CFTR: variants seen among roughly 807,000 people sequenced by gnomAD.
The protein encoded by CFTR is CF transmembrane conductance regulator.
A neutral mutation model predicts 171.6 loss-of-function variants in CFTR; 181 were observed. The observed-to-expected ratio is 1.05, with a 90% CI of 0.93 to 1.19. The LOEUF is 1.19. CFTR is among the 50% of genes most tolerant of loss of function. The pLI is 0.00. For missense variants in CFTR, 1,968 were observed against 1,734.7 expected, an observed-to-expected ratio of 1.13 and a Z score of -2.39; for synonymous variants, 583 against 608.0, an observed-to-expected ratio of 0.96 and a Z score of 0.60.
intron 11 of CFTR, among the ~76,000 whole-genome samples, chr7:117,574,201 G>C (rs1158815346): frequency 6.6e-6 from 1 of 152,006 alleles, no homozygotes; most frequent in East Asian, 1.9e-4. Context: ...AGTGTTTTAT[G>C]TTAAATCAAA....
chr7:117,534,039 A>G (rs1472809555), intron 4 of CFTR, among the ~76,000 whole-genome samples: 1 of 152,136 alleles, frequency 6.6e-6, no homozygotes, highest in Non-Finnish European at 1.5e-5. Flanking sequence ...AAAAATAATT[A>G]TTTCTGCCTA....
rs1799419575 is a variant in CFTR, at chr7:117,559,535, T to C, written c.1464T>C (p.Ile488=). The C allele has an allele frequency of 6.2e-7, 1 of 1,611,594 alleles. No individual in the cohort carries two copies. Among genetic ancestry groups the C allele is most frequent in the Admixed American group, 1.7e-5 (1 of 60,008 alleles). Residue 488 remains isoleucine, a synonymous_variant, in exon 11 of 27, where the codon ATT becomes ATC. Coordinates refer to ENST00000003084, the MANE Select transcript of CFTR (RefSeq NM_000492.4). ...SEGKIKHSGR[I]SFCSQFSWIM... Reference sequence around the variant, plus strand: ...GTAAAATTAAGCACAGTGGAAGAATTTCATTCTGTTCTCAGTTTTCCTGGA... The same window carrying C: ...GTAAAATTAAGCACAGTGGAAGAATCTCATTCTGTTCTCAGTTTTCCTGGA...
chr7:117,665,903 C>G (rs994470959), intron 26 of CFTR, among the ~76,000 whole-genome samples: 1 of 152,204 alleles, frequency 6.6e-6, no homozygotes, highest in Non-Finnish European at 1.5e-5. Context: ...GTGATTCTTT[C>G]AATAACTAAA....
intron 2 of CFTR, 33 bp from the exon 3 acceptor site, chr7:117,509,000 CA>C (rs1207020322): frequency 1.6e-6 from 2 of 1,271,530 alleles, no homozygotes; most frequent in African/African-American, 2.9e-5. Flanking sequence ...TTTGCACATG[CA>C]ACTTATTGGT....
At chr7:117,489,286 C>T (rs1054241140) in intron 1 of CFTR, among the ~76,000 whole-genome samples, 8 of 152,108 alleles carry the variant, frequency 5.3e-5, no homozygotes, top group Admixed American at 4.6e-4. Context: ...ATGAAGAACG[C>T]TTAGACTAAA....
intron 1 of CFTR, among the ~76,000 whole-genome samples, chr7:117,494,403 T>C (rs1798206892): frequency 6.7e-6 from 1 of 150,198 alleles, no homozygotes. Flanking sequence ...GCATGCGCTT[T>C]GCCTGTAGTG....
At chr7:117,645,019 A>G (rs1243021186) in intron 23 of CFTR, among the ~76,000 whole-genome samples, 1 of 152,232 alleles carries the variant, frequency 6.6e-6, no homozygotes, top group African/African-American at 2.4e-5. Context: ...GAAAGGTGAC[A>G]AACTATTCTG....
chr7:117,597,485 C>T (rs982655770), intron 15 of CFTR, among the ~76,000 whole-genome samples: 13 of 152,160 alleles, frequency 8.5e-5, no homozygotes, highest in African/African-American at 2.9e-4. Flanking sequence ...AATACACTTA[C>T]TATAGCAGAT....
intron 22 of CFTR, among the ~76,000 whole-genome samples, chr7:117,630,277 A>T (rs1792721617): frequency 6.6e-6 from 1 of 152,214 alleles, no homozygotes. Flanking sequence ...AGAGATATCC[A>T]GGTAAATGCT....
chr7:117,590,316 G>C, intron 12 of CFTR, 37 bp from the exon 13 acceptor site: 1 of 1,591,676 alleles, frequency 6.3e-7, no homozygotes, highest in South Asian at 1.1e-5. Flanking sequence ...CCAGGAAATA[G>C]AGAGGAAATG....
At chr7:117,622,098 G>T (rs1000083304) in intron 21 of CFTR, among the ~76,000 whole-genome samples, 3 of 152,166 alleles carry the variant, frequency 2.0e-5, no homozygotes, top group African/African-American at 7.2e-5. Flanking sequence ...GTTAAAATAT[G>T]TAAACCATTT....
chr7:117,664,036 A>G (rs1021547525), intron 24 of CFTR, among the ~76,000 whole-genome samples: 1 of 152,144 alleles, frequency 6.6e-6, no homozygotes, highest in African/African-American at 2.4e-5. Context: ...CTAGTGTTGT[A>G]CCACTATTTT....
intron 11 of CFTR, among the ~76,000 whole-genome samples, chr7:117,583,179 A>T (rs1001360585): frequency 1.3e-5 from 2 of 152,158 alleles, no homozygotes; most frequent in African/African-American, 2.4e-5. Flanking sequence ...TTTCTTTTTT[A>T]AAAATTTAAT....
chr7:117,533,939 C>T (rs1562890088), intron 4 of CFTR, among the ~76,000 whole-genome samples: 1 of 152,052 alleles, frequency 6.6e-6, no homozygotes, highest in Non-Finnish European at 1.5e-5. Context: ...AATTTCACTG[C>T]CTTTGGCTCT....
At chr7:117,551,362 C>T (rs1025186869) in intron 10 of CFTR, among the ~76,000 whole-genome samples, 12 of 152,104 alleles carry the variant, frequency 7.9e-5, no homozygotes, top group Non-Finnish European at 1.5e-4. Flanking sequence ...ATCCATTTTT[C>T]ATAAAATCAT....
intron 11 of CFTR, among the ~76,000 whole-genome samples, chr7:117,585,732 C>T (rs191736562): frequency 1.7e-3 from 259 of 152,198 alleles, no homozygotes; most frequent in South Asian, 0.013. Context: ...GCCTCGAATT[C>T]CTGGGTTCAA....
At chr7:117,584,387 T>C (rs1306899282) in intron 11 of CFTR, among the ~76,000 whole-genome samples, 1 of 152,200 alleles carries the variant, frequency 6.6e-6, no homozygotes, top group African/African-American at 2.4e-5. Flanking sequence ...TTCTTCTACG[T>C]GTGGCTTGCC....
At chr7:117,536,293 A>AT (rs1798954152) in intron 6 of CFTR, among the ~76,000 whole-genome samples, 1 of 152,162 alleles carries the variant, frequency 6.6e-6, no homozygotes. Flanking sequence ...CATCTCTAAA[A>AT]TAGAGATACC....
chr7:117,611,157 T>G (rs899070051), intron 19 of CFTR, among the ~76,000 whole-genome samples: 2 of 152,274 alleles, frequency 1.3e-5, no homozygotes, highest in African/African-American at 2.4e-5. Flanking sequence ...TTAGTGTGGG[T>G]GCATTTTCAG....
Sources: allele counts gnomAD v4.1 joint callset (sites outside exome capture counted in the v4.1 genomes callset), GRCh38; gene constraint gnomAD v4.1.1; transcripts MANE v1.5; gene names NCBI Gene and HGNC (gene_info 2026-07-23, HGNC 2026-07-21).